KCNH1: variants seen among roughly 807,000 people sequenced by gnomAD.
The protein encoded by KCNH1 is voltage-gated delayed rectifier potassium channel KCNH1.
KCNH1 carries 27 observed loss-of-function variants against 69.2 expected under a neutral mutation model. The ratio of observed to expected loss-of-function variants is 0.39; its 90% CI spans 0.29 to 0.54. KCNH1 has a LOEUF of 0.54. KCNH1 is among the 20% of genes least tolerant of loss of function. The probability of loss-of-function intolerance (pLI) is 0.68; values close to 1 mark genes in which losing one functional copy is unlikely to be tolerated. For missense variants in KCNH1, 798 were observed against 1,261.6 expected (o/e 0.63, Z 5.57); for synonymous variants, 456 against 487.7 (o/e 0.93, Z 0.86).
intron 1 of KCNH1, among the ~76,000 whole-genome samples, chr1:211,109,282 C>A (rs1691416533): frequency 6.6e-6 from 1 of 152,076 alleles, no homozygotes; most frequent in South Asian, 2.1e-4. Context: ...AAAGGGCAGC[C>A]AGGAAGAGTG....
At chr1:210,871,794 T>G (rs1686254386) in intron 7 of KCNH1, among the ~76,000 whole-genome samples, 1 of 149,364 alleles carries the variant, frequency 6.7e-6, no homozygotes, top group Non-Finnish European at 1.5e-5. Flanking sequence ...CAGTAAACTA[T>G]CGCAAGAACA....
chr1:211,123,733 G>A (rs142397617), intron 1 of KCNH1, among the ~76,000 whole-genome samples: 7 of 152,246 alleles, frequency 4.6e-5, no homozygotes, highest in African/African-American at 7.2e-5. Flanking sequence ...AGCATGAGCC[G>A]AGAGCAAGAG....
intron 9 of KCNH1, among the ~76,000 whole-genome samples, chr1:210,788,829 T>C (rs1684158663): frequency 6.8e-6 from 1 of 148,144 alleles, no homozygotes. Context: ...CCCAAGTAGC[T>C]GGGACTACAG....
chr1:211,006,133 T>C (rs542337302), intron 6 of KCNH1, among the ~76,000 whole-genome samples: 50 of 152,344 alleles, frequency 3.3e-4, no homozygotes, highest in Non-Finnish European at 6.8e-4. Flanking sequence ...GAAACTCTCA[T>C]GTATTGCAAC....
At chr1:211,017,717 C>T (rs1689516841) in intron 6 of KCNH1, among the ~76,000 whole-genome samples, 1 of 152,172 alleles carries the variant, frequency 6.6e-6, no homozygotes, top group South Asian at 2.1e-4. Flanking sequence ...ATGTCCCAGG[C>T]GCTCATTCAG....
chr1:211,013,037 G>T (rs1286545166), intron 6 of KCNH1, among the ~76,000 whole-genome samples: 1 of 152,196 alleles, frequency 6.6e-6, no homozygotes, highest in African/African-American at 2.4e-5. Context: ...CAAAGGGGAA[G>T]AAAAGCCCTG....
At chr1:211,050,260 T>TAAAAAAAAA (rs747498526) in intron 5 of KCNH1, among the ~76,000 whole-genome samples, 1,577 of 58,420 alleles carry the variant, frequency 0.027, 270 homozygotes, top group South Asian at 0.036. Context: ...CACACATTCT[T>TAAAAAAAAA]AAAAAAAAAA....
At chr1:210,735,798 GAC>G (rs34116468) in intron 10 of KCNH1, among the ~76,000 whole-genome samples, 81,869 of 147,020 alleles carry the variant, frequency 0.56, 22,853 homozygotes, top group South Asian at 0.68. Context: ...TGCATACACA[GAC>G]ACACACACAC....
intron 5 of KCNH1, among the ~76,000 whole-genome samples, chr1:211,044,473 C>A (rs1047278614): frequency 1.3e-5 from 2 of 152,168 alleles, no homozygotes; most frequent in African/African-American, 4.8e-5. Flanking sequence ...AGTAAACAGA[C>A]AACCCACAGA....
At chr1:211,044,500 A>G (rs1281594267) in intron 5 of KCNH1, among the ~76,000 whole-genome samples, 1 of 152,198 alleles carries the variant, frequency 6.6e-6, no homozygotes, top group East Asian at 1.9e-4. Flanking sequence ...GAAAATCTTC[A>G]CAATCTATAC....
intron 7 of KCNH1, among the ~76,000 whole-genome samples, chr1:210,813,585 T>C (rs1034658098): frequency 1.1e-4 from 16 of 152,190 alleles, no homozygotes; most frequent in Non-Finnish European, 8.8e-5. Context: ...TTACTGTTGT[T>C]GTTGCTTTTG....
intron 6 of KCNH1, among the ~76,000 whole-genome samples, chr1:211,012,636 C>T (rs1056081592): frequency 1.3e-5 from 2 of 152,082 alleles, no homozygotes; most frequent in Non-Finnish European, 2.9e-5. Flanking sequence ...GGGATGAATA[C>T]GTGGAGCACA....
At chr1:210,811,853 A>C (rs1423996289) in intron 7 of KCNH1, among the ~76,000 whole-genome samples, 1 of 152,162 alleles carries the variant, frequency 6.6e-6, no homozygotes, top group Non-Finnish European at 1.5e-5. Flanking sequence ...AATATGTAGC[A>C]AGGCCAGAAC....
chr1:210,828,738 G>C (rs1447092153), intron 7 of KCNH1, among the ~76,000 whole-genome samples: 1 of 152,102 alleles, frequency 6.6e-6, no homozygotes, highest in African/African-American at 2.4e-5. Flanking sequence ...AATGTGTTTT[G>C]GGGTGCTACT....
chr1:211,000,254 T>C (rs966546305), intron 6 of KCNH1, among the ~76,000 whole-genome samples: 4 of 152,186 alleles, frequency 2.6e-5, no homozygotes, highest in Non-Finnish European at 4.4e-5. Flanking sequence ...ATTGTATATC[T>C]AGAAAAACCC....
chr1:210,920,384 A>C (rs1687435028), intron 6 of KCNH1, among the ~76,000 whole-genome samples: 1 of 152,182 alleles, frequency 6.6e-6, no homozygotes, highest in Non-Finnish European at 1.5e-5. Context: ...AAAAATTTTA[A>C]GGGTTGCATA....
intron 7 of KCNH1, among the ~76,000 whole-genome samples, chr1:210,864,852 CA>C (rs1686069938): frequency 6.6e-6 from 1 of 152,216 alleles, no homozygotes; most frequent in Non-Finnish European, 1.5e-5. Flanking sequence ...ATCTATGAGC[CA>C]GTTCATTCAC....
Position 210,716,431 on chromosome 1 carries a change from C to CAAAAAAAAAAAAA in KCNH1, c.2113-32306_2113-32294dup, listed in dbSNP as rs58725705. Among the ~76,000 whole-genome samples, 142 of 91,832 alleles carry CAAAAAAAAAAAAA rather than the reference C, an allele frequency of 1.5e-3. 2 individuals are homozygous for CAAAAAAAAAAAAA. The highest frequency in any genetic ancestry group is 3.7e-3 in the African/African-American group (77 of 20,878). 60.2% of individuals were successfully genotyped at this position (91,832 alleles called of 152,430 possible). ...TGGGCGACAGAGCAAGACTCCGTCT[C>CAAAAAAAAAAAAA]AAAAAAAAAAAAAAAAAGCATGTTA... On this transcript the variant is annotated intron_variant, in intron 10 of 10. Coordinates refer to ENST00000271751, the MANE Select transcript of KCNH1 (RefSeq NM_172362.3).
At position 210,872,992 on chromosome 1, in the gene KCNH1, A is replaced by G. The variant is rs956002272; in HGVS notation, c.1462+46648T>C. 3.1e-4 allele frequency among the ~76,000 whole-genome samples: 47 copies of G among 152,202 alleles called. 2 individuals are homozygous for G. Among genetic ancestry groups the G allele is most frequent in the Admixed American group, 2.6e-4 (4 of 15,278 alleles). ...AAGTTACCAATCACCTGTGAGCCAC[A>G]TGAAATATTATTTTCAAAGTCCTAC... On this transcript the variant is annotated intron_variant, in intron 7 of 10. Coordinates refer to ENST00000271751, the MANE Select transcript of KCNH1 (RefSeq NM_172362.3).
Sources: gnomAD v4.1 joint callset for allele counts (sites outside exome capture counted in the v4.1 genomes callset) on GRCh38, gnomAD v4.1.1 for gene constraint, MANE v1.5 for transcripts, NCBI Gene and HGNC (gene_info 2026-07-23, HGNC 2026-07-21) for gene names.